Variants in USP33 observed in about 807,000 individuals in gnomAD.
USP33 encodes the protein ubiquitin specific peptidase 33, also known as ubiquitin carboxyl-terminal hydrolase 33.
Under a neutral mutation model 124.2 loss-of-function variants are expected in USP33, and 46 were observed. That is an observed-to-expected ratio of 0.37 (90% CI 0.29 to 0.47). USP33 has a LOEUF of 0.47. USP33 is among the 20% of genes least tolerant of loss of function. The probability of loss-of-function intolerance (pLI) is 0.99; values close to 1 mark genes in which losing one functional copy is unlikely to be tolerated. For missense variants in USP33, 851 were observed against 1,070.6 expected (o/e 0.79, Z 2.86); for synonymous variants, 350 against 352.3 (o/e 0.99, Z 0.07).
Position 77,759,831 on chromosome 1 carries a change from C to T in USP33, c.-240G>A, listed in dbSNP as rs1281622430. The T allele has an allele frequency of 2.5e-6, 1 of 396,622 alleles. No individual in the cohort carries two copies. 24.6% of individuals were successfully genotyped at this position (396,622 alleles called of 1,614,324 possible). A position where few individuals can be genotyped will look rare whatever the true frequency, so the allele number is the denominator to read the frequency against. On this transcript the variant is annotated 5_prime_UTR_variant, in exon 1 of 24. Transcript: ENST00000370794. ...TGAACTGGCCACTTCCCGCAGCAGC[C>T]GCGGCTCCTTCCGGTGTCTCCGGGG...
At chr1:77,725,200 CTA>C (rs1677024271) in intron 11 of USP33, among the ~76,000 whole-genome samples, 2 of 152,066 alleles carry the variant, frequency 1.3e-5, no homozygotes, top group Non-Finnish European at 2.9e-5. Flanking sequence ...AGACTACATA[CTA>C]TATGATTTCA....
intron 21 of USP33, among the ~76,000 whole-genome samples, chr1:77,705,208 T>A (rs1054978955): frequency 2.0e-5 from 3 of 151,882 alleles, no homozygotes; most frequent in South Asian, 2.1e-4. Flanking sequence ...TTTATTTTTT[T>A]TTTTGAGACA....
chr1:77,734,373 A>G lies in USP33; in HGVS notation c.498T>C (p.Asn166=), dbSNP rs1402872102. ...AATTAGAAAGAGCCTGCAAAGCTGCATTCATGTAACAAGTATTTCCAATAT... is the reference window on the plus strand; with the variant it reads ...AATTAGAAAGAGCCTGCAAAGCTGCGTTCATGTAACAAGTATTTCCAATAT... ...LKNIGNTCYM[N]AALQALSNCP... Residue 166 remains asparagine (N), a synonymous_variant, in exon 7 of 24, where the codon AAT becomes AAC. Transcript: ENST00000370794. 1.3e-6 allele frequency: 2 copies of G among 1,598,702 alleles called. No homozygotes were observed. Among genetic ancestry groups the G allele is most frequent in the East Asian group, 4.5e-5 (2 of 44,572 alleles).
intron 11 of USP33, 26 bp downstream of exon 11, chr1:77,725,596 G>A: frequency 6.2e-7 from 1 of 1,609,738 alleles, no homozygotes; most frequent in Non-Finnish European, 8.5e-7. Context: ...CAAAGCAAAA[G>A]AGACTGAATA....
chr1:77,759,673 C>G lies in USP33; in HGVS notation c.-82G>C, dbSNP rs1681144805. On this transcript the variant is annotated 5_prime_UTR_variant, in exon 1 of 24. Transcript: ENST00000370794. Reference sequence around the variant, plus strand: ...CGGCCTGGCCCGCGGGACCCGCCAGCTCGACCAACAACGGCCTGCAGCCGC... The same window carrying G: ...CGGCCTGGCCCGCGGGACCCGCCAGGTCGACCAACAACGGCCTGCAGCCGC... The G allele has an allele frequency of 2.5e-6, 1 of 399,160 alleles. No homozygotes were observed. 24.7% of individuals were successfully genotyped at this position (399,160 alleles called of 1,614,324 possible). A position where few individuals can be genotyped will look rare whatever the true frequency, so the allele number is the denominator to read the frequency against.
Position 77,759,747 on chromosome 1 carries a change from G to GT in USP33, c.-157dup, listed in dbSNP as rs1477653896. 26 of 397,982 alleles carry GT rather than the reference G, an allele frequency of 6.5e-5. No homozygotes were observed. The East Asian group carries it at 9.3e-4, about 14-fold the overall frequency. 24.7% of individuals were successfully genotyped at this position (397,982 alleles called of 1,614,324 possible). ...TTCTCAGCTCTCGGAGAGGGGCAGT[G>GT]TCGCGTCAGGAGGGCCGGAAAACGG... is the stretch of plus-strand genomic sequence containing the variant. On this transcript the variant is annotated 5_prime_UTR_variant, in exon 1 of 24. Transcript: ENST00000370794.
Position 77,728,629 on chromosome 1 carries a change from C to A in USP33, c.801G>T (p.Pro267=), listed in dbSNP as rs1005904732. The part of the protein sequence containing the change: ...KEQVMEVEED[P]QTITTEETME... Reference sequence around the variant, plus strand: ...TTGTCTCCTCAGTGGTTATGGTTTGCGGATCTTCTTCTACTTCCATGACTT... The same window carrying A: ...TTGTCTCCTCAGTGGTTATGGTTTGAGGATCTTCTTCTACTTCCATGACTT... The change falls in exon 10 of 24, where the codon CCG becomes CCT. Residue 267 remains proline (P), a synonymous_variant. Coordinates refer to ENST00000370794, the MANE Select transcript of USP33 (RefSeq NM_201624.3). The A allele has an allele frequency of 1.2e-6, 2 of 1,613,988 alleles. No homozygotes were observed. The highest frequency in any genetic ancestry group is 2.7e-5 in the African/African-American group (2 of 74,928).
At position 77,728,552 on chromosome 1, in the gene USP33, C is replaced by T. The variant is rs375204468; in HGVS notation, c.878G>A (p.Cys293Tyr). The change falls in exon 10 of 24, where the codon TGT (cysteine) becomes TAT (tyrosine). Residue 293 changes from cysteine (C) to tyrosine (Y), a missense_variant. Coordinates refer to ENST00000370794, the MANE Select transcript of USP33 (RefSeq NM_201624.3). Reference sequence around the variant, plus strand: ...ATTTTCTGCTCTATCACTGTTGCTACAAGATTCACAAGACTGAAAATCTAC... The same window carrying T: ...ATTTTCTGCTCTATCACTGTTGCTATAAGATTCACAAGACTGAAAATCTAC... ...SDVDFQSCES[C>Y]SNSDRAENEN... is the part of the protein sequence containing the mutation. 19 of 1,614,012 alleles carry T rather than the reference C, an allele frequency of 1.2e-5. No individual in the cohort carries two copies. Among genetic ancestry groups the T allele is most frequent in the Non-Finnish European group, 1.5e-5 (18 of 1,180,014 alleles).
chr1:77,714,821 T>TTTACTACATTTACTACATTTACTACA (rs752062110), intron 18 of USP33, 38 bp from the exon 19 acceptor site: 20 of 1,593,696 alleles, frequency 1.3e-5, no homozygotes, highest in Admixed American at 7.2e-5. Flanking sequence ...CAATATGCAT[T>TTTACTACATTTACTACATTTACTACA]TTACTACATT....
In USP33 at chr1:77,723,343, C is replaced by T; in HGVS notation, c.1377G>A (p.Leu459=). Residue 459 remains leucine, a synonymous_variant, in exon 12 of 24, where the codon CTG becomes CTA. Transcript: ENST00000370794. Reference sequence around the variant, plus strand: ...CCCTCATACTCACCCTGTCACAAGTCAGACACTGCACTGAACTAATGATTG... The same window carrying T: ...CCCTCATACTCACCCTGTCACAAGTTAGACACTGCACTGAACTAATGATTG... ...DGTIISSVQC[L]TCDRVSVTLE... is the part of the protein sequence containing the mutation. 1 of 1,608,852 alleles carries T rather than the reference C, an allele frequency of 6.2e-7. No individual in the cohort carries two copies. Among genetic ancestry groups the T allele is most frequent in the Non-Finnish European group, 8.5e-7 (1 of 1,176,262 alleles).
chr1:77,696,269 C>A lies in USP33; in HGVS notation c.*1048G>T, dbSNP rs1673435663. 1 of 152,604 alleles carries A rather than the reference C, an allele frequency of 6.6e-6. No homozygotes were observed. Among genetic ancestry groups the A allele is most frequent in the Non-Finnish European group, 1.5e-5 (1 of 68,038 alleles). 9.5% of individuals were successfully genotyped at this position (152,604 alleles called of 1,614,324 possible). A position where few individuals can be genotyped will look rare whatever the true frequency, so the allele number is the denominator to read the frequency against. ...TCAACAATCGTAGTGACACATTCCA[C>A]ACTTCATGCTCTCAAAATAAAAAGT... On this transcript the variant is annotated 3_prime_UTR_variant, in exon 24 of 24. Coordinates refer to ENST00000370794, the MANE Select transcript of USP33 (RefSeq NM_201624.3).
intron 21 of USP33, among the ~76,000 whole-genome samples, chr1:77,703,894 A>G (rs1489111521): frequency 6.6e-6 from 1 of 152,120 alleles, no homozygotes; most frequent in East Asian, 1.9e-4. Flanking sequence ...GCACATCCCT[A>G]TAGTCCCAGC....
At chr1:77,746,564 A>G (rs1679761945) in intron 1 of USP33, 1 of 152,226 alleles carries the variant, frequency 6.6e-6, no homozygotes, top group Admixed American at 6.5e-5. Flanking sequence ...AGCCTGGTAT[A>G]GACACAACAA....
chr1:77,726,471 C>G (rs904996709), intron 10 of USP33, among the ~76,000 whole-genome samples: 1 of 151,750 alleles, frequency 6.6e-6, no homozygotes, highest in African/African-American at 2.4e-5. Context: ...TCATGAGACC[C>G]CCATCTCTAC....
chr1:77,707,915 A>G (rs919478871), intron 21 of USP33, among the ~76,000 whole-genome samples: 7 of 152,208 alleles, frequency 4.6e-5, no homozygotes, highest in African/African-American at 1.7e-4. Flanking sequence ...TAGATTACAG[A>G]CCATAACAGG....
chr1:77,747,521 G>A (rs1159068313), intron 1 of USP33, among the ~76,000 whole-genome samples: 1 of 152,080 alleles, frequency 6.6e-6, no homozygotes, highest in Non-Finnish European at 1.5e-5. Flanking sequence ...GACTCCCAAA[G>A]CGCTGGGATT....
At chr1:77,714,278 A>C (rs1175137346) in intron 19 of USP33, among the ~76,000 whole-genome samples, 2 of 152,200 alleles carry the variant, frequency 1.3e-5, no homozygotes, top group East Asian at 3.8e-4. Flanking sequence ...ATAATAGAGG[A>C]GCTCACTGTA....
At chr1:77,730,765 G>A (rs1337951233) in intron 7 of USP33, 34 bp from the exon 8 acceptor site, 1 of 1,443,378 alleles carries the variant, frequency 6.9e-7, no homozygotes, top group Non-Finnish European at 9.5e-7. Context: ...TTAGAGTGGA[G>A]TCAAAGCTAA....
At chr1:77,756,434 T>C (rs1316647071) in intron 1 of USP33, among the ~76,000 whole-genome samples, 3 of 152,216 alleles carry the variant, frequency 2.0e-5, no homozygotes, top group Non-Finnish European at 2.9e-5. Flanking sequence ...AATGTTTACT[T>C]GTAGCTGGTA....
Sources: allele counts gnomAD v4.1 joint callset (sites outside exome capture counted in the v4.1 genomes callset), GRCh38; gene constraint gnomAD v4.1.1; transcripts MANE v1.5; gene names NCBI Gene and HGNC (gene_info 2026-07-23, HGNC 2026-07-21).